CDK14: variants seen among roughly 807,000 people sequenced by gnomAD.
CDK14 encodes cyclin-dependent kinase 14.
Under a neutral mutation model 60.7 loss-of-function variants are expected in CDK14, and 34 were observed. The observed-to-expected ratio is 0.56, with a 90% CI of 0.43 to 0.75. The LOEUF (loss-of-function observed/expected upper bound fraction) is 0.75, where lower values mean the gene tolerates loss of function less well. Among genes scored for constraint, CDK14 ranks in the 30% least tolerant of loss-of-function variants. CDK14 has a pLI of 0.00. For synonymous variants in CDK14, 197 were observed against 203.7 expected, an observed-to-expected ratio of 0.97 and a Z score of 0.28; for missense variants, 482 against 564.1, an observed-to-expected ratio of 0.85 and a Z score of 1.47.
intron 4 of CDK14, among the ~76,000 whole-genome samples, chr7:90,773,454 C>A (rs952033027): frequency 2.6e-5 from 4 of 152,208 alleles, no homozygotes; most frequent in African/African-American, 7.2e-5. Flanking sequence ...TAAATAAAGT[C>A]CTTGGCCCAG....
intron 14 of CDK14, among the ~76,000 whole-genome samples, chr7:91,189,094 CA>C (rs1236600833): frequency 6.6e-6 from 1 of 152,016 alleles, no homozygotes; most frequent in Admixed American, 6.6e-5. Context: ...AATATCATTA[CA>C]AAAAAATCAA....
chr7:90,612,156 G>T (rs911715564), intron 2 of CDK14, among the ~76,000 whole-genome samples: 1 of 151,964 alleles, frequency 6.6e-6, no homozygotes, highest in African/African-American at 2.4e-5. Flanking sequence ...TTTTATTTTC[G>T]TGACTTCATT....
intron 10 of CDK14, among the ~76,000 whole-genome samples, chr7:90,991,215 G>A (rs1054661218): frequency 3.9e-5 from 6 of 152,124 alleles, no homozygotes; most frequent in African/African-American, 9.7e-5. Flanking sequence ...ATGTGATAGC[G>A]GCGGTGACCT....
At chr7:90,673,411 TTCCCTCCC>T (rs948609966) in intron 2 of CDK14, among the ~76,000 whole-genome samples, 1 of 151,810 alleles carries the variant, frequency 6.6e-6, no homozygotes, top group East Asian at 1.9e-4. Context: ...GGAACCTGCA[TTCCCTCCC>T]TCCCTCCCTC....
chr7:90,837,414 A>T (rs1436783379), intron 5 of CDK14, among the ~76,000 whole-genome samples: 1 of 151,670 alleles, frequency 6.6e-6, no homozygotes, highest in African/African-American at 2.4e-5. Flanking sequence ...CAGCCTCCCG[A>T]GTAGCTGGGA....
chr7:91,118,243 T>G, intron 14 of CDK14, 35 bp downstream of exon 14: 3 of 955,540 alleles, frequency 3.1e-6, no homozygotes, highest in Non-Finnish European at 5.0e-6. Flanking sequence ...AAGTAATATT[T>G]AATGGATATT....
chr7:90,649,337 C>CT (rs1201806579), intron 2 of CDK14, among the ~76,000 whole-genome samples: 131 of 44,784 alleles, frequency 2.9e-3, no homozygotes, highest in Non-Finnish European at 3.6e-3. Flanking sequence ...TCCTTCCTTC[C>CT]TTCCTTCCTT....
intron 5 of CDK14, among the ~76,000 whole-genome samples, chr7:90,858,264 A>G (rs780636056): frequency 7.9e-5 from 12 of 152,202 alleles, no homozygotes; most frequent in Non-Finnish European, 1.8e-4. Flanking sequence ...ATTTGATTTT[A>G]CTGAAATTGT....
At chr7:91,162,463 C>A (rs952364532) in intron 14 of CDK14, among the ~76,000 whole-genome samples, 6 of 152,134 alleles carry the variant, frequency 3.9e-5, no homozygotes, top group Non-Finnish European at 7.3e-5. Flanking sequence ...AGTGGAGGAA[C>A]AAATGGGAGG....
chr7:91,032,028 A>G (rs555081857), intron 10 of CDK14, among the ~76,000 whole-genome samples: 1 of 152,308 alleles, frequency 6.6e-6, no homozygotes, highest in South Asian at 2.1e-4. Context: ...TCCTATTAGT[A>G]GTCTTTTACC....
chr7:90,768,012 A>G (rs6969518), intron 4 of CDK14, among the ~76,000 whole-genome samples: 97,435 of 152,024 alleles, frequency 0.64, 31,671 homozygotes, highest in East Asian at 0.96. Flanking sequence ...CTACGTAGGT[A>G]TATTTATATT....
chr7:90,696,445 AT>A (rs1469331547), intron 2 of CDK14, among the ~76,000 whole-genome samples: 2 of 148,206 alleles, frequency 1.3e-5, no homozygotes, highest in Non-Finnish European at 3.0e-5. Flanking sequence ...GGTTCAAGTG[AT>A]TCTTGTGCCT....
chr7:90,879,753 T>A (rs533165821), intron 6 of CDK14, among the ~76,000 whole-genome samples: 28 of 150,194 alleles, frequency 1.9e-4, no homozygotes, highest in Admixed American at 2.7e-4. Flanking sequence ...TGATAAAAAA[T>A]AAATAAATAA....
At chr7:90,949,855 G>A (rs1025766436) in intron 8 of CDK14, among the ~76,000 whole-genome samples, 5 of 152,066 alleles carry the variant, frequency 3.3e-5, no homozygotes, top group African/African-American at 1.2e-4. Context: ...CAACACCATA[G>A]GATGGCAAAT....
At chr7:90,769,521 CATT>C (rs1804702106) in intron 4 of CDK14, among the ~76,000 whole-genome samples, 1 of 148,006 alleles carries the variant, frequency 6.8e-6, no homozygotes, top group Non-Finnish European at 1.5e-5. Flanking sequence ...GGCTGGAATA[CATT>C]GGCACCATCT....
intron 2 of CDK14, among the ~76,000 whole-genome samples, chr7:90,648,116 A>G (rs1800510412): frequency 6.6e-6 from 1 of 152,012 alleles, no homozygotes; most frequent in Admixed American, 6.6e-5. Flanking sequence ...TGGGTTAGCA[A>G]TTTGGGAGCA....
At chr7:91,184,939 A>G (rs1324133393) in intron 14 of CDK14, among the ~76,000 whole-genome samples, 1 of 151,762 alleles carries the variant, frequency 6.6e-6, no homozygotes, top group Non-Finnish European at 1.5e-5. Flanking sequence ...CCTAGCCACA[A>G]ATCCTAGAGA....
At chr7:91,045,386 G>A (rs1349732306) in intron 10 of CDK14, among the ~76,000 whole-genome samples, 5 of 152,176 alleles carry the variant, frequency 3.3e-5, no homozygotes, top group African/African-American at 4.8e-5. Flanking sequence ...TGTAAATCAC[G>A]TAATTACAGA....
intron 9 of CDK14, among the ~76,000 whole-genome samples, chr7:90,980,892 T>C (rs1395357047): frequency 6.6e-5 from 10 of 152,180 alleles, no homozygotes; most frequent in Admixed American, 1.3e-4. Context: ...GGAGATGATA[T>C]AGACTAAACA....
Sources: allele counts gnomAD v4.1 joint callset (sites outside exome capture counted in the v4.1 genomes callset), GRCh38; gene constraint gnomAD v4.1.1; transcripts MANE v1.5; gene names NCBI Gene and HGNC (gene_info 2026-07-23, HGNC 2026-07-21).